DYNC1LI2: variants seen among roughly 807,000 people sequenced by gnomAD.
DYNC1LI2 encodes dynein cytoplasmic 1 light intermediate chain 2.
In DYNC1LI2, 19 loss-of-function variants were observed where a neutral mutation model predicts 57.8. The ratio of observed to expected loss-of-function variants is 0.33; its 90% confidence interval spans 0.23 to 0.48. DYNC1LI2 has a LOEUF of 0.48. DYNC1LI2 is among the 20% of genes least tolerant of loss of function. DYNC1LI2 has a pLI of 0.99. For missense variants in DYNC1LI2, 470 were observed against 604.2 expected (o/e 0.78, Z 2.33); for synonymous variants, 256 against 233.4 (o/e 1.10, Z -0.88).
rs2017459597 is a variant in DYNC1LI2, at chr16:66,722,171, A to G, written c.*1551T>C. On this transcript the variant is annotated 3_prime_UTR_variant, in exon 13 of 13. Coordinates refer to ENST00000258198, the MANE Select transcript of DYNC1LI2 (RefSeq NM_006141.3). ...CGAAAGCAATTCAAGAAAGTCTTCA[A>G]AGAGTCTTGACACAACATAGGATAT... 1 of 152,580 alleles carries G rather than the reference A, an allele frequency of 6.6e-6. No individual in the cohort carries two copies. The highest frequency in any genetic ancestry group is 2.1e-4 in the South Asian group (1 of 4,832). 9.5% of individuals were successfully genotyped at this position (152,580 alleles called of 1,614,324 possible).
chr16:66,727,666 C>A, intron 11 of DYNC1LI2, 22 bp downstream of exon 11: 1 of 1,611,694 alleles, frequency 6.2e-7, no homozygotes, highest in Non-Finnish European at 8.5e-7. Context: ...TCCAAAGAGA[C>A]ATACTTTTGA....
intron 4 of DYNC1LI2, among the ~76,000 whole-genome samples, chr16:66,740,356 T>C (rs2017814368): frequency 6.6e-6 from 1 of 152,186 alleles, no homozygotes; most frequent in Admixed American, 6.6e-5. Context: ...CCAATTAATC[T>C]GGAAAGCAAG....
intron 7 of DYNC1LI2, 162 bp downstream of exon 7, chr16:66,732,177 G>A: frequency 1.0e-6 from 1 of 954,670 alleles, no homozygotes; most frequent in Non-Finnish European, 1.5e-6. Context: ...ACTTCCCTCA[G>A]GCAGATGCCT....
intron 4 of DYNC1LI2, among the ~76,000 whole-genome samples, chr16:66,739,541 A>C (rs1189713993): frequency 6.6e-6 from 1 of 152,160 alleles, no homozygotes; most frequent in Admixed American, 6.5e-5. Flanking sequence ...TGCTGGGCTC[A>C]ATCAATTTGT....
intron 3 of DYNC1LI2, among the ~76,000 whole-genome samples, chr16:66,743,259 T>C (rs2017873293): frequency 6.6e-6 from 1 of 151,768 alleles, no homozygotes; most frequent in Admixed American, 6.6e-5. Context: ...AAAATGTCTA[T>C]GAAGTAAAGA....
intron 2 of DYNC1LI2, among the ~76,000 whole-genome samples, chr16:66,750,719 T>C (rs747558867): frequency 1.1e-4 from 17 of 152,136 alleles, no homozygotes; most frequent in Non-Finnish European, 2.4e-4. Context: ...TGTGTGAATG[T>C]ACCCAAACTC....
Position 66,736,146 on chromosome 16 carries a change from C to T in DYNC1LI2, c.628G>A (p.Val210Ile), listed in dbSNP as rs1453906889. The change falls in exon 5 of 13, where the codon GTT becomes ATT. Residue 210 changes from valine to isoleucine, a missense_variant. Transcript: ENST00000258198. Reference protein sequence around the residue: ...PLTSGSDEENVALPLGDNVLT... With the variant: ...PLTSGSDEENIALPLGDNVLT... ...ACATTGTCACCCAGAGGCAGGGCAACATTTTCTTCATCGGAGCCTGAGGTC... is the reference window on the plus strand; with the variant it reads ...ACATTGTCACCCAGAGGCAGGGCAATATTTTCTTCATCGGAGCCTGAGGTC... The T allele has an allele frequency of 6.2e-7, 1 of 1,614,110 alleles. No homozygotes were observed. The highest frequency in any genetic ancestry group is 1.7e-5 in the Admixed American group (1 of 59,998).
chr16:66,746,515 C>T (rs1017303363), intron 3 of DYNC1LI2, among the ~76,000 whole-genome samples: 1 of 151,978 alleles, frequency 6.6e-6, no homozygotes, highest in Non-Finnish European at 1.5e-5. Context: ...TAAAAAAATC[C>T]AATAAATGCA....
rs1427750632 is a variant in DYNC1LI2, at chr16:66,721,383, CATAA to C, written c.*2335_*2338del. The C allele has an allele frequency of 2.6e-5, 4 of 152,338 alleles. No homozygotes were observed. Among genetic ancestry groups the C allele is most frequent in the African/African-American group, 2.4e-5 (1 of 41,354 alleles). 9.4% of individuals were successfully genotyped at this position (152,338 alleles called of 1,614,324 possible). A position where few individuals can be genotyped will look rare whatever the true frequency, so the allele number is the denominator to read the frequency against. On this transcript the variant is annotated 3_prime_UTR_variant, in exon 13 of 13. Coordinates refer to ENST00000258198, the MANE Select transcript of DYNC1LI2 (RefSeq NM_006141.3). ...AAGCAGATGTAACCATTATAATGTG[CATAA>C]ATAGTCATAAAATTGTCTTTAACAG...
intron 5 of DYNC1LI2, among the ~76,000 whole-genome samples, chr16:66,735,343 C>T (rs1461262343): frequency 6.6e-6 from 1 of 151,964 alleles, no homozygotes; most frequent in Non-Finnish European, 1.5e-5. Flanking sequence ...TCAAATGATC[C>T]ACCCACCTGA....
chr16:66,749,166 C>T, intron 3 of DYNC1LI2, 31 bp downstream of exon 3: 2 of 1,608,756 alleles, frequency 1.2e-6, no homozygotes, highest in South Asian at 2.2e-5. Flanking sequence ...CTGCATACAC[C>T]CCCTTACCAT....
chr16:66,726,863 C>A (rs1250617000), intron 11 of DYNC1LI2, among the ~76,000 whole-genome samples: 1 of 151,940 alleles, frequency 6.6e-6, no homozygotes, highest in Non-Finnish European at 1.5e-5. Context: ...AAACTCCTGC[C>A]CTCAAGTGAT....
chr16:66,737,231 G>C (rs1596992367), intron 4 of DYNC1LI2, among the ~76,000 whole-genome samples: 1 of 152,076 alleles, frequency 6.6e-6, no homozygotes, highest in Non-Finnish European at 1.5e-5. Context: ...AGCTAAGATT[G>C]CGTCACTGTA....
chr16:66,726,915 C>T (rs1050740893), intron 11 of DYNC1LI2, among the ~76,000 whole-genome samples: 3 of 151,646 alleles, frequency 2.0e-5, no homozygotes, highest in Admixed American at 1.3e-4. Context: ...TGAGTCACCA[C>T]GCCAGGCCTT....
At chr16:66,727,336 T>C (rs1260313907) in intron 11 of DYNC1LI2, among the ~76,000 whole-genome samples, 2 of 152,194 alleles carry the variant, frequency 1.3e-5, no homozygotes, top group Non-Finnish European at 2.9e-5. Context: ...CAGTGTGCTA[T>C]GATCGTATCA....
intron 5 of DYNC1LI2, 141 bp from the exon 6 acceptor site, chr16:66,734,452 A>G: frequency 1.3e-6 from 1 of 787,326 alleles, no homozygotes; most frequent in Non-Finnish European, 2.0e-6. Context: ...AGAGAAGAGT[A>G]AAAAAGAACC....
At chr16:66,734,997 C>CAAAAAAAA (rs377398071) in intron 5 of DYNC1LI2, among the ~76,000 whole-genome samples, 6 of 38,570 alleles carry the variant, frequency 1.6e-4, no homozygotes, top group Admixed American at 4.2e-4. Context: ...AACTCCGTCT[C>CAAAAAAAA]AAAAAAAAAA....
chr16:66,743,280 C>T (rs1205206516), intron 3 of DYNC1LI2, among the ~76,000 whole-genome samples: 1 of 151,682 alleles, frequency 6.6e-6, no homozygotes, highest in Non-Finnish European at 1.5e-5. Context: ...TTGAGGGTAT[C>T]GGACCCAGTG....
chr16:66,741,784 T>C (rs757887761), intron 4 of DYNC1LI2, among the ~76,000 whole-genome samples: 1 of 150,854 alleles, frequency 6.6e-6, no homozygotes, highest in Non-Finnish European at 1.5e-5. Flanking sequence ...AACAAGCTTC[T>C]GAACCACATT....
Sources: gnomAD v4.1 joint callset for allele counts (sites outside exome capture counted in the v4.1 genomes callset) on GRCh38, gnomAD v4.1.1 for gene constraint, MANE v1.5 for transcripts, NCBI Gene and HGNC (gene_info 2026-07-23, HGNC 2026-07-21) for gene names.